The following CSMD1 variants were observed in gnomAD, a reference collection of about 807,000 sequenced individuals.
CSMD1 encodes CUB and Sushi multiple domains 1, also known as CUB and sushi domain-containing protein 1.
In CSMD1, 213 loss-of-function variants were observed where a neutral mutation model predicts 417.5. That is an observed-to-expected ratio of 0.51 (90% CI 0.46 to 0.57). The LOEUF (loss-of-function observed/expected upper bound fraction) is 0.57, where lower values mean the gene tolerates loss of function less well. Ranked by LOEUF, CSMD1 falls within the 20% of genes least tolerant of loss-of-function variation. The pLI, the probability that CSMD1 is intolerant of heterozygous loss-of-function variation, is 0.00. For missense variants in CSMD1, 6,923 were observed against 4,529.7 expected, an observed-to-expected ratio of 1.53 and a Z score of -15.17; for synonymous variants, 2,862 against 1,736.8, an observed-to-expected ratio of 1.65 and a Z score of -16.11.
Position 4,706,230 on chromosome 8 carries a change from G to T in CSMD1, c.86-68672C>A, listed in dbSNP as rs183797367. Among the ~76,000 whole-genome samples, 255 of 151,346 alleles carry T rather than the reference G, an allele frequency of 1.7e-3. 3 individuals carry two copies. The highest frequency in any genetic ancestry group is 0.014 in the Admixed American group (215 of 15,200). On this transcript the variant is annotated intron_variant, in intron 1 of 69. Coordinates refer to ENST00000635120, the MANE Select transcript of CSMD1 (RefSeq NM_033225.6). ...TTCTAATATCTGGCAATTGCTAATT[G>T]TTTGAAAGTCCCACAACATATCTGA...
intron 5 of CSMD1, among the ~76,000 whole-genome samples, chr8:3,947,002 A>T (rs939882880): frequency 6.6e-6 from 1 of 152,156 alleles, no homozygotes; most frequent in African/African-American, 2.4e-5. Context: ...GTTGGATCTC[A>T]TATTTCTAAT....
intron 5 of CSMD1, among the ~76,000 whole-genome samples, chr8:3,985,169 T>C (rs1814225054): frequency 6.6e-6 from 1 of 152,128 alleles, no homozygotes; most frequent in African/African-American, 2.4e-5. Flanking sequence ...AGCTGAGCCT[T>C]CCTTGTCCCT....
chr8:3,190,983 A>T (rs1438401408), intron 33 of CSMD1, among the ~76,000 whole-genome samples: 1 of 152,216 alleles, frequency 6.6e-6, no homozygotes, highest in Non-Finnish European at 1.5e-5. Context: ...GAAAATGGGA[A>T]GCAACTGTTG....
chr8:4,837,993 G>T (rs1018472547), intron 1 of CSMD1, among the ~76,000 whole-genome samples: 3 of 152,176 alleles, frequency 2.0e-5, no homozygotes, highest in African/African-American at 4.8e-5. Flanking sequence ...GGGGGCAGCA[G>T]CTCCATTCTC....
At chr8:4,209,754 G>T (rs141358793) in intron 3 of CSMD1, among the ~76,000 whole-genome samples, 2 of 152,226 alleles carry the variant, frequency 1.3e-5, no homozygotes, top group African/African-American at 4.8e-5. Context: ...AGCACAGCAG[G>T]ACTACACCAT....
intron 5 of CSMD1, among the ~76,000 whole-genome samples, chr8:3,821,686 G>A (rs1249287515): frequency 2.0e-5 from 3 of 152,174 alleles, no homozygotes; most frequent in Non-Finnish European, 4.4e-5. Flanking sequence ...GGAGGCTGAG[G>A]CAAGAGAACT....
intron 3 of CSMD1, among the ~76,000 whole-genome samples, chr8:4,408,307 G>A (rs557050548): frequency 2.0e-5 from 3 of 152,250 alleles, no homozygotes; most frequent in South Asian, 4.2e-4. Flanking sequence ...TGTCAAAAAC[G>A]TCTTCAAGTA....
chr8:4,006,528 G>A (rs1464360067), intron 4 of CSMD1, among the ~76,000 whole-genome samples: 2 of 152,202 alleles, frequency 1.3e-5, no homozygotes, highest in East Asian at 1.9e-4. Flanking sequence ...GAGCGACAGA[G>A]TGAGGCCTTG....
chr8:4,715,531 T>A (rs1341945100), intron 1 of CSMD1, among the ~76,000 whole-genome samples: 1 of 152,178 alleles, frequency 6.6e-6, no homozygotes, highest in Non-Finnish European at 1.5e-5. Context: ...CTTCCCCTTT[T>A]AATTGCACGT....
At chr8:3,877,409 G>C (rs1454125081) in intron 5 of CSMD1, among the ~76,000 whole-genome samples, 2 of 152,206 alleles carry the variant, frequency 1.3e-5, no homozygotes, top group Admixed American at 6.5e-5. Flanking sequence ...TTCCATACAG[G>C]CTCAGAAGCG....
intron 3 of CSMD1, among the ~76,000 whole-genome samples, chr8:4,208,305 C>G (rs966181245): frequency 6.6e-6 from 1 of 152,092 alleles, no homozygotes; most frequent in African/African-American, 2.4e-5. Context: ...GAAAAAAAGA[C>G]TGGAGAAGAA....
intron 35 of CSMD1, among the ~76,000 whole-genome samples, chr8:3,188,538 A>T (rs1285126224): frequency 6.6e-6 from 1 of 151,878 alleles, no homozygotes. Context: ...AACTCCTGAC[A>T]TCAAGTGATC....
rs1363594056 is a variant in CSMD1 at position 3,949,943 on chromosome 8, G to C, written c.818+47960C>G. ...GAGGCAGGACGTGAAAACACACATG[G>C]AGAGGTTCATGCCAGCAGAGCGACG... On this transcript the variant is annotated intron_variant, in intron 5 of 69. Transcript: ENST00000635120. 6 of 455,868 alleles carry C rather than the reference G, an allele frequency of 1.3e-5. No individual in the cohort carries two copies. The East Asian group carries it at 3.5e-4, about 26-fold the overall frequency. The allele number at this position is 455,868 out of a possible 1,614,324, so 28.2% of individuals were successfully genotyped here. A position where few individuals can be genotyped will look rare whatever the true frequency, so the allele number is the denominator to read the frequency against.
intron 38 of CSMD1, among the ~76,000 whole-genome samples, chr8:3,161,311 A>C (rs1386003233): frequency 6.6e-6 from 1 of 152,128 alleles, no homozygotes; most frequent in Non-Finnish European, 1.5e-5. Context: ...ATCATTCATC[A>C]AAACTTTTAT....
At chr8:3,905,513 C>G (rs1324594762) in intron 5 of CSMD1, among the ~76,000 whole-genome samples, 3 of 152,208 alleles carry the variant, frequency 2.0e-5, no homozygotes, top group Non-Finnish European at 4.4e-5. Flanking sequence ...GCACCTGCTA[C>G]CCAGCGTTTC....
intron 37 of CSMD1, among the ~76,000 whole-genome samples, chr8:3,168,813 T>C (rs1346333748): frequency 6.9e-6 from 1 of 144,450 alleles, no homozygotes; most frequent in Non-Finnish European, 1.5e-5. Context: ...TTAAATGCTA[T>C]TTCTATTATT....
chr8:3,158,830 G>T (rs1376760879), intron 38 of CSMD1, among the ~76,000 whole-genome samples: 1 of 151,926 alleles, frequency 6.6e-6, no homozygotes, highest in Non-Finnish European at 1.5e-5. Flanking sequence ...CCCACAATTG[G>T]CATAGAGGCA....
chr8:3,411,133 C>A (rs1057210468), intron 12 of CSMD1, among the ~76,000 whole-genome samples: 3 of 152,094 alleles, frequency 2.0e-5, no homozygotes, highest in Non-Finnish European at 4.4e-5. Context: ...TGGAGGAGAC[C>A]TGGTGTCATC....
chr8:4,228,919 G>A (rs961616816), intron 3 of CSMD1, among the ~76,000 whole-genome samples: 8 of 151,842 alleles, frequency 5.3e-5, no homozygotes, highest in African/African-American at 1.9e-4. Flanking sequence ...TGACTGCCTC[G>A]GTCTCCAAAA....
Sources: allele counts gnomAD v4.1 joint callset (sites outside exome capture counted in the v4.1 genomes callset), GRCh38; gene constraint gnomAD v4.1.1; transcripts MANE v1.5; gene names NCBI Gene and HGNC (gene_info 2026-07-23, HGNC 2026-07-21).